The following MDGA2 variants were observed in gnomAD, a reference collection of about 807,000 sequenced individuals.
MDGA2 encodes the protein MAM domain containing glycosylphosphatidylinositol anchor 2, also known as MAM domain-containing glycosylphosphatidylinositol anchor protein 2.
MDGA2 carries 40 observed loss-of-function variants against 117.8 expected under a neutral mutation model. The observed-to-expected ratio is 0.34, with a 90% CI of 0.26 to 0.44. MDGA2 has a LOEUF of 0.44. MDGA2 is among the 20% of genes least tolerant of loss of function. The pLI is 1.00. For missense variants in MDGA2, 1,123 were observed against 1,250.6 expected (o/e 0.90, Z 1.54); for synonymous variants, 452 against 439.0 (o/e 1.03, Z -0.37).
intron 2 of MDGA2, among the ~76,000 whole-genome samples, chr14:47,264,631 A>T (rs1444175304): frequency 1.3e-5 from 2 of 152,070 alleles, no homozygotes; most frequent in African/African-American, 2.4e-5. Flanking sequence ...CTTCAGTTTT[A>T]AAAAATATTT....
At chr14:47,506,937 T>G (rs1894525638) in intron 1 of MDGA2, among the ~76,000 whole-genome samples, 1 of 151,996 alleles carries the variant, frequency 6.6e-6, no homozygotes, top group South Asian at 2.1e-4. Context: ...AGACTTTTTT[T>G]TTTCTGTTTT....
chr14:46,971,837 T>C (rs555435286), intron 8 of MDGA2, among the ~76,000 whole-genome samples: 8 of 152,300 alleles, frequency 5.3e-5, no homozygotes, highest in African/African-American at 7.2e-5. Flanking sequence ...CTTCTATGCA[T>C]GTAACACATC....
At chr14:47,125,461 T>C (rs1431981556) in intron 5 of MDGA2, among the ~76,000 whole-genome samples, 3 of 151,954 alleles carry the variant, frequency 2.0e-5, no homozygotes, top group Non-Finnish European at 4.4e-5. Flanking sequence ...ATCATAACTT[T>C]CCTAAGAGCT....
At chr14:47,483,509 CT>C (rs1326195581) in intron 1 of MDGA2, among the ~76,000 whole-genome samples, 1 of 152,106 alleles carries the variant, frequency 6.6e-6, no homozygotes, top group East Asian at 1.9e-4. Flanking sequence ...AAGACTCACT[CT>C]AATTATTTAT....
intron 8 of MDGA2, among the ~76,000 whole-genome samples, chr14:46,980,871 A>C (rs187737520): frequency 4.3e-4 from 65 of 152,342 alleles, no homozygotes; most frequent in African/African-American, 1.5e-3. Context: ...TGTAACTATA[A>C]ATTTAATATT....
chr14:47,323,758 A>G (rs1048416965), intron 1 of MDGA2, among the ~76,000 whole-genome samples: 9 of 152,200 alleles, frequency 5.9e-5, no homozygotes, highest in Non-Finnish European at 1.2e-4. Flanking sequence ...TTTGCAATAG[A>G]ACTTTGAAAC....
intron 14 of MDGA2, among the ~76,000 whole-genome samples, chr14:46,866,698 A>G (rs1180152375): frequency 6.6e-6 from 1 of 151,910 alleles, no homozygotes; most frequent in Non-Finnish European, 1.5e-5. Context: ...TTTACAAGAA[A>G]AAAAAAAACA....
At chr14:47,402,137 G>C (rs1892162255) in intron 1 of MDGA2, among the ~76,000 whole-genome samples, 1 of 152,104 alleles carries the variant, frequency 6.6e-6, no homozygotes, top group Non-Finnish European at 1.5e-5. Context: ...TATATTCGTA[G>C]CTCTGTGTAG....
chr14:47,172,047 G>C (rs940555136), intron 3 of MDGA2, among the ~76,000 whole-genome samples: 5 of 152,262 alleles, frequency 3.3e-5, no homozygotes, highest in South Asian at 2.1e-4. Flanking sequence ...CTGATTGCTA[G>C]CACAGTGGTC....
At chr14:47,509,419 T>C (rs1894591426) in intron 1 of MDGA2, among the ~76,000 whole-genome samples, 2 of 152,048 alleles carry the variant, frequency 1.3e-5, no homozygotes, top group African/African-American at 4.8e-5. Flanking sequence ...GGGGGAAGTG[T>C]GGGGAGCTCT....
intron 2 of MDGA2, among the ~76,000 whole-genome samples, chr14:47,225,666 G>A: frequency 6.6e-6 from 1 of 151,290 alleles, no homozygotes; most frequent in Non-Finnish European, 1.5e-5. Flanking sequence ...CTGTTGTGGG[G>A]TGGGGGGAGT....
intron 8 of MDGA2, among the ~76,000 whole-genome samples, chr14:46,961,646 ATT>A (rs1269991261): frequency 2.1e-5 from 3 of 145,078 alleles, no homozygotes; most frequent in Non-Finnish European, 1.5e-5. Flanking sequence ...CTGCCTGATA[ATT>A]TTTTTTTTTT....
At chr14:47,638,986 A>G (rs1251261575) in intron 1 of MDGA2, among the ~76,000 whole-genome samples, 1 of 152,126 alleles carries the variant, frequency 6.6e-6, no homozygotes, top group Non-Finnish European at 1.5e-5. Context: ...GGGTCTTGGC[A>G]GTCAGCATTT....
intron 8 of MDGA2, among the ~76,000 whole-genome samples, chr14:46,994,472 T>G (rs745679004): frequency 6.6e-6 from 1 of 151,574 alleles, no homozygotes; most frequent in African/African-American, 2.4e-5. Flanking sequence ...GCAGAAGTGC[T>G]TGGATGACAA....
chr14:46,848,701 T>G (rs568075142), intron 15 of MDGA2, among the ~76,000 whole-genome samples: 2 of 151,816 alleles, frequency 1.3e-5, no homozygotes, highest in South Asian at 4.2e-4. Flanking sequence ...CAGACCCTTT[T>G]GTAGTCAGAT....
intron 1 of MDGA2, among the ~76,000 whole-genome samples, chr14:47,382,665 C>T (rs1219160302): frequency 6.6e-6 from 1 of 152,178 alleles, no homozygotes; most frequent in Non-Finnish European, 1.5e-5. Flanking sequence ...TACCATCTCA[C>T]ACCAGTTAGA....
chr14:47,625,310 CAAAAAAA>C (rs34504236), intron 1 of MDGA2, among the ~76,000 whole-genome samples: 1 of 146,260 alleles, frequency 6.8e-6, no homozygotes, highest in African/African-American at 2.5e-5. Flanking sequence ...TATGCAAAAA[CAAAAAAA>C]AAAGTATGTC....
chr14:47,165,960 T>A lies in MDGA2; in HGVS notation c.596-21686A>T, dbSNP rs545112137. Among the ~76,000 whole-genome samples the A allele has an allele frequency of 6.0e-4, 92 of 152,260 alleles. No individual in the cohort carries two copies. The South Asian group carries it at 0.014, about 23-fold the overall frequency. On this transcript the variant is annotated intron_variant, in intron 3 of 16. Coordinates refer to ENST00000399232, the MANE Select transcript of MDGA2 (RefSeq NM_001113498.3). ...GCTAAATATGAGATAATTCCATTTT[T>A]TGAAGGCTCATATACACCTATACAC...
chr14:47,443,719 A>G (rs1893063063), intron 1 of MDGA2, among the ~76,000 whole-genome samples: 1 of 152,172 alleles, frequency 6.6e-6, no homozygotes, highest in Admixed American at 6.6e-5. Flanking sequence ...AAAAATTGAG[A>G]TATCAGTAAG....
Sources: gnomAD v4.1 joint callset for allele counts (sites outside exome capture counted in the v4.1 genomes callset) on GRCh38, gnomAD v4.1.1 for gene constraint, MANE v1.5 for transcripts, NCBI Gene and HGNC (gene_info 2026-07-23, HGNC 2026-07-21) for gene names.